MCMDC2: variants seen among roughly 807,000 people sequenced by gnomAD.
MCMDC2 encodes the protein minichromosome maintenance domain containing 2.
Under a neutral mutation model 75.8 loss-of-function variants are expected in MCMDC2, and 54 were observed. The observed-to-expected ratio is 0.71, with a 90% CI of 0.57 to 0.89. The LOEUF (loss-of-function observed/expected upper bound fraction) is 0.89, where lower values mean the gene tolerates loss of function less well. Ranked by LOEUF, MCMDC2 falls within the 40% of genes least tolerant of loss-of-function variation. MCMDC2 has a pLI of 0.00. For missense variants in MCMDC2, 656 were observed against 780.4 expected (o/e 0.84, Z 1.90); for synonymous variants, 249 against 274.6 (o/e 0.91, Z 0.92).
chr8:66,906,761 AATTATTATTTATTATT>A (rs1193422443), intron 14 of MCMDC2, among the ~76,000 whole-genome samples: 20 of 150,986 alleles, frequency 1.3e-4, no homozygotes, highest in Admixed American at 1.3e-4. Context: ...TTCTTTTTTA[AATTATTATTTATTATT>A]ATTATTATTT....
rs772388755 is a variant in MCMDC2, at chr8:66,883,708, G to A, written c.836-49G>A. On this transcript the variant is annotated intron_variant, in intron 8 of 14. Transcript: ENST00000422365. ...AAGGGAGTCAAATATCTATAATGTTGTCTTGTTTTAAAACCCTTTCTAATA... is the reference window on the plus strand; with the variant it reads ...AAGGGAGTCAAATATCTATAATGTTATCTTGTTTTAAAACCCTTTCTAATA... 3.0e-6 allele frequency: 3 copies of A among 993,624 alleles called. No individual in the cohort carries two copies. In the African/African-American group the frequency reaches 4.9e-5, roughly 16 times the overall value. 61.6% of individuals were successfully genotyped at this position (993,624 alleles called of 1,614,324 possible). A position where few individuals can be genotyped will look rare whatever the true frequency, so the allele number is the denominator to read the frequency against.
At chr8:66,913,154 T>C (rs1240510987) in intron 14 of MCMDC2, among the ~76,000 whole-genome samples, 1 of 152,190 alleles carries the variant, frequency 6.6e-6, no homozygotes, top group Non-Finnish European at 1.5e-5. Flanking sequence ...AGCAAAAAGA[T>C]TATGACTTCT....
At chr8:66,912,401 T>C (rs1813152813) in intron 14 of MCMDC2, among the ~76,000 whole-genome samples, 1 of 152,206 alleles carries the variant, frequency 6.6e-6, no homozygotes, top group Non-Finnish European at 1.5e-5. Flanking sequence ...CTGTGAACAT[T>C]GTTGAAATGA....
rs1293351655 is a variant in MCMDC2, at chr8:66,880,852, A to C, written c.713A>C (p.Glu238Ala). The C allele has an allele frequency of 6.5e-7, 1 of 1,530,660 alleles. No individual in the cohort carries two copies. Among genetic ancestry groups the C allele is most frequent in the Non-Finnish European group, 8.8e-7 (1 of 1,140,554 alleles). The allele number at this position is 1,530,660 out of a possible 1,614,324, so 94.8% of individuals were successfully genotyped here. A position where few individuals can be genotyped will look rare whatever the true frequency, so the allele number is the denominator to read the frequency against. Residue 238 changes from glutamate to alanine, a missense_variant, in exon 8 of 15, where the codon GAA becomes GCA. Physicochemically the swap from Glu to Ala is moderately radical, Grantham distance 107. Transcript: ENST00000422365. ...CTTCTGTCTTTAATAATTTTAGATG[A>C]ATCAGTGAATAAAATGAATATAGGA... ...FQSLTIFLRD[E>A]SVNKMNIGNE...
intron 14 of MCMDC2, among the ~76,000 whole-genome samples, chr8:66,910,492 T>A (rs188932247): frequency 2.0e-5 from 3 of 152,130 alleles, no homozygotes; most frequent in Admixed American, 6.5e-5. Flanking sequence ...ACACATGGAG[T>A]CAAAGGAGAT....
intron 1 of MCMDC2, among the ~76,000 whole-genome samples, chr8:66,872,161 T>C (rs945388580): frequency 6.6e-6 from 1 of 152,220 alleles, no homozygotes; most frequent in African/African-American, 2.4e-5. Flanking sequence ...TTTTATGTTG[T>C]AGCAAAAAGG....
chr8:66,874,196 G>A lies in MCMDC2; in HGVS notation c.56G>A (p.Gly19Asp). 6.2e-7 allele frequency: 1 copy of A among 1,611,168 alleles called. No individual in the cohort carries two copies. Among genetic ancestry groups the A allele is most frequent in the Non-Finnish European group, 8.5e-7 (1 of 1,179,252 alleles). Reference sequence around the variant, plus strand: ...CTCATCTATCTTGACAGAAGTGGAGGCCTCCAAAAGTTTATAGATGATTGC... The same window carrying A: ...CTCATCTATCTTGACAGAAGTGGAGACCTCCAAAAGTTTATAGATGATTGC... ...AALIYLDRSG[G>D]LQKFIDDCKY... The change falls in exon 2 of 15, where the codon GGC becomes GAC. Residue 19 changes from glycine (G) to aspartate (D), a missense_variant. Coordinates refer to ENST00000422365, the MANE Select transcript of MCMDC2 (RefSeq NM_173518.5).
At chr8:66,886,222 T>C (rs2130812949) in intron 9 of MCMDC2, among the ~76,000 whole-genome samples, 1 of 150,408 alleles carries the variant, frequency 6.6e-6, no homozygotes, top group African/African-American at 2.4e-5. Context: ...TGGAGTGCAA[T>C]GGCACCATCT....
chr8:66,911,256 A>G (rs1352596050), intron 14 of MCMDC2, among the ~76,000 whole-genome samples: 1 of 152,032 alleles, frequency 6.6e-6, no homozygotes. Flanking sequence ...TTCTTGTGGT[A>G]GTGAGTGAGT....
intron 9 of MCMDC2, among the ~76,000 whole-genome samples, chr8:66,885,934 A>G (rs1002191503): frequency 6.6e-6 from 1 of 152,156 alleles, no homozygotes; most frequent in African/African-American, 2.4e-5. Context: ...TGTGTACATC[A>G]GTAGTTCATT....
rs1813498202 is a variant in MCMDC2, at chr8:66,920,805, TG to T, written c.*1639del. ...CTCCCACCTTAGGCCTCCGAGTAGC[TG>T]GGACTACAGGGACATGCTACCACCC... On this transcript the variant is annotated 3_prime_UTR_variant, in exon 15 of 15. Transcript: ENST00000422365. 6.6e-6 allele frequency: 1 copy of T among 152,092 alleles called. No homozygotes were observed. The highest frequency in any genetic ancestry group is 1.5e-5 in the Non-Finnish European group (1 of 68,028). 9.4% of individuals were successfully genotyped at this position (152,092 alleles called of 1,614,324 possible).
intron 12 of MCMDC2, among the ~76,000 whole-genome samples, chr8:66,898,789 G>A (rs1259051183): frequency 6.6e-6 from 1 of 152,204 alleles, no homozygotes; most frequent in Admixed American, 6.5e-5. Context: ...TAGTTGGGCT[G>A]TAAGAAAGGG....
At chr8:66,913,199 AT>A (rs1813181349) in intron 14 of MCMDC2, among the ~76,000 whole-genome samples, 1 of 152,226 alleles carries the variant, frequency 6.6e-6, no homozygotes, top group Non-Finnish European at 1.5e-5. Context: ...TTTTTTAGCA[AT>A]AAAGCATTTT....
intron 14 of MCMDC2, among the ~76,000 whole-genome samples, chr8:66,907,559 A>C (rs1308500087): frequency 1.4e-4 from 22 of 152,180 alleles, no homozygotes; most frequent in Non-Finnish European, 2.6e-4. Context: ...TTTATAGTAG[A>C]ATGATTTAAA....
intron 7 of MCMDC2, 42 bp downstream of exon 7, chr8:66,878,961 T>C: frequency 8.0e-7 from 1 of 1,251,124 alleles, no homozygotes; most frequent in Non-Finnish European, 1.2e-6. Flanking sequence ...TTGCTATAAA[T>C]ATGTAATTGG....
chr8:66,909,736 T>C (rs1458014862), intron 14 of MCMDC2, among the ~76,000 whole-genome samples: 1 of 152,194 alleles, frequency 6.6e-6, no homozygotes, highest in Non-Finnish European at 1.5e-5. Context: ...AGCCTGATTA[T>C]GCAGTAAAAA....
intron 14 of MCMDC2, among the ~76,000 whole-genome samples, chr8:66,913,962 TAA>T (rs961586876): frequency 6.4e-5 from 5 of 78,588 alleles, no homozygotes; most frequent in Admixed American, 1.6e-4. Context: ...AGACTCTGTC[TAA>T]AAAAAAAAAA....
At position 66,877,471 on chromosome 8, in the gene MCMDC2, A is replaced by C. The variant is rs116880118; in HGVS notation, c.408A>C (p.Ala136=). 0.031 allele frequency: 49,453 copies of C among 1,613,328 alleles called. 955 individuals carry two copies. The highest frequency in any genetic ancestry group is 0.035 in the Non-Finnish European group (41,390 of 1,179,638). Residue 136 remains alanine, a synonymous_variant, in exon 5 of 15, where the codon GCA becomes GCC. Coordinates refer to ENST00000422365, the MANE Select transcript of MCMDC2 (RefSeq NM_173518.5). ...RFYMMQGIVI[A]MTTITKYTQG... is the part of the protein sequence containing the mutation. ...ATATGATGCAAGGAATTGTGATTGCAATGACAACTATAACCAAGTATACAC... is the reference window on the plus strand; with the variant it reads ...ATATGATGCAAGGAATTGTGATTGCCATGACAACTATAACCAAGTATACAC...
chr8:66,896,039 C>T, intron 10 of MCMDC2, 131 bp from the exon 11 acceptor site: 1 of 734,892 alleles, frequency 1.4e-6, no homozygotes, highest in Non-Finnish European at 2.1e-6. Flanking sequence ...TCTTGCAAAA[C>T]AGTCAAATTT....
Sources: gnomAD v4.1 joint callset for allele counts (sites outside exome capture counted in the v4.1 genomes callset) on GRCh38, gnomAD v4.1.1 for gene constraint, MANE v1.5 for transcripts, NCBI Gene and HGNC (gene_info 2026-07-23, HGNC 2026-07-21) for gene names.